The following CFAP47 variants were observed in gnomAD, a reference collection of about 807,000 sequenced individuals.
CFAP47 encodes cilia and flagella associated protein 47.
In CFAP47, 29 loss-of-function variants were observed where a neutral mutation model predicts 148.1. The observed-to-expected ratio is 0.20, with a 90% CI of 0.15 to 0.27. CFAP47 has a LOEUF of 0.27. Among genes scored for constraint, CFAP47 ranks in the 10% least tolerant of loss-of-function variants. The probability of loss-of-function intolerance (pLI) is 1.00; values close to 1 mark genes in which losing one functional copy is unlikely to be tolerated. For synonymous variants in CFAP47, 664 were observed against 577.3 expected (o/e 1.15, Z -2.15); for missense variants, 1,872 against 1,697.5 (o/e 1.10, Z -1.81).
intron 10 of CFAP47, among the ~76,000 whole-genome samples, chrX:35,970,219 C>T: frequency 9.0e-6 from 1 of 110,547 alleles, no homozygotes; most frequent in East Asian, 2.9e-4. Flanking sequence ...AGCATAAACC[C>T]AGTTGAGTGA....
intron 45 of CFAP47, among the ~76,000 whole-genome samples, chrX:36,220,603 A>G (rs782237859): frequency 9.0e-6 from 1 of 110,917 alleles, no homozygotes; most frequent in Non-Finnish European, 1.9e-5. Flanking sequence ...CATAGTTAGA[A>G]CTAAGAGATT....
chrX:35,959,837 C>T (rs1936297612), intron 8 of CFAP47, among the ~76,000 whole-genome samples: 1 of 99,996 alleles, frequency 1.0e-5, no homozygotes, highest in South Asian at 5.0e-4. Flanking sequence ...CAAGATCGTG[C>T]CACTGCACTC....
intron 57 of CFAP47, among the ~76,000 whole-genome samples, chrX:36,344,379 AAT>A (rs1941679969): frequency 9.0e-6 from 1 of 110,789 alleles, no homozygotes; most frequent in Non-Finnish European, 1.9e-5. Context: ...TTTCAATGTT[AAT>A]TTTCAGTGAT....
chrX:36,039,652 C>T (rs1187161290), intron 25 of CFAP47, among the ~76,000 whole-genome samples: 3 of 111,885 alleles, frequency 2.7e-5, no homozygotes, highest in Non-Finnish European at 5.6e-5. Context: ...CTCAGTCTTC[C>T]TCCAAGCTCT....
At chrX:36,159,615 T>C (rs1939406335) in intron 38 of CFAP47, 39 bp downstream of exon 38, 1 of 295,836 alleles carries the variant, frequency 3.4e-6, no homozygotes. Context: ...GCTTCTCTTA[T>C]CAGACCATGA....
Position 35,993,334 on chromosome X carries a change from A to T in CFAP47, c.3099+13A>T, listed in dbSNP as rs1936808916. ...TACAAGAGCAAAGGTATGTCCATAC[A>T]TATGAGTTTTTGCACCTTACATATG... On this transcript the variant is annotated intron_variant, in intron 18 of 63. Transcript: ENST00000378653. The T allele has an allele frequency of 3.4e-6, 1 of 291,187 alleles. No homozygotes were observed. The highest frequency in any genetic ancestry group is 6.3e-5 in the Admixed American group (1 of 15,966). 24.0% of individuals were successfully genotyped at this position (291,187 alleles called of 1,213,427 possible).
At chrX:36,140,133 C>T (rs1172450907) in intron 35 of CFAP47, among the ~76,000 whole-genome samples, 1 of 111,465 alleles carries the variant, frequency 9.0e-6, no homozygotes, top group Non-Finnish European at 1.9e-5. Flanking sequence ...CTCATGCCTT[C>T]AAAGGTGTTG....
At chrX:36,267,751 T>TA (rs1940911378) in intron 49 of CFAP47, among the ~76,000 whole-genome samples, 1 of 112,135 alleles carries the variant, frequency 8.9e-6, no homozygotes, top group Non-Finnish European at 1.9e-5. Flanking sequence ...GTGCTGGGAT[T>TA]ACAGGCGTGA....
intron 49 of CFAP47, among the ~76,000 whole-genome samples, chrX:36,274,359 C>T (rs1940991130): frequency 9.0e-6 from 1 of 111,546 alleles, no homozygotes; most frequent in Admixed American, 9.6e-5. Flanking sequence ...AAGCAATACA[C>T]ATTTAGGACA....
At position 35,966,680 on chromosome X, in the gene CFAP47, T is replaced by C; in HGVS notation, c.1526T>C (p.Phe509Ser). The change falls in exon 9 of 64, where the codon TTC (phenylalanine) becomes TCC (serine). Residue 509 changes from phenylalanine (F) to serine (S), a missense_variant. Transcript: ENST00000378653. ...TTGCAATCTTTGTCGGTAAAATCTT[T>C]CCATCACGTATATTTAGCTTTCAAC... The part of the protein sequence containing the change: ...EDLQSLSVKS[F>S]HHVYLAFNSI... The C allele has an allele frequency of 8.4e-7, 1 of 1,186,297 alleles. No individual in the cohort carries two copies. Among genetic ancestry groups the C allele is most frequent in the Non-Finnish European group, 1.1e-6 (1 of 881,038 alleles).
intron 19 of CFAP47, among the ~76,000 whole-genome samples, chrX:35,998,639 C>T (rs1313152786): frequency 9.0e-6 from 1 of 111,388 alleles, no homozygotes; most frequent in Non-Finnish European, 1.9e-5. Context: ...AATGGCATCA[C>T]CAAAATTCCA....
At chrX:35,952,576 T>C (rs892160132) in intron 6 of CFAP47, among the ~76,000 whole-genome samples, 2 of 112,102 alleles carry the variant, frequency 1.8e-5, no homozygotes, top group African/African-American at 6.5e-5. Flanking sequence ...ACTGATTCAA[T>C]TGCAAGAATA....
intron 48 of CFAP47, among the ~76,000 whole-genome samples, chrX:36,237,768 G>A (rs1555995019): frequency 8.9e-6 from 1 of 112,032 alleles, no homozygotes; most frequent in East Asian, 2.8e-4. Flanking sequence ...CTCAAAAGAA[G>A]CTTCAAATAT....
At chrX:36,216,257 A>G (rs1555990162) in intron 45 of CFAP47, among the ~76,000 whole-genome samples, 1 of 112,334 alleles carries the variant, frequency 8.9e-6, no homozygotes. Flanking sequence ...AAAGAAGTCT[A>G]CTAGTTACAT....
intron 46 of CFAP47, among the ~76,000 whole-genome samples, chrX:36,235,400 G>A (rs1265258870): frequency 8.9e-6 from 1 of 112,340 alleles, no homozygotes; most frequent in Non-Finnish European, 1.9e-5. Context: ...GCGAGACTCC[G>A]TGGGCGTAGG....
At chrX:36,227,781 A>C (rs886952905) in intron 45 of CFAP47, among the ~76,000 whole-genome samples, 5 of 112,108 alleles carry the variant, frequency 4.5e-5, no homozygotes, top group African/African-American at 1.6e-4. Flanking sequence ...TGACTATTTA[A>C]ATAGTTTGGC....
chrX:36,381,936 C>G (rs1175851017), intron 63 of CFAP47, among the ~76,000 whole-genome samples: 1 of 110,393 alleles, frequency 9.1e-6, no homozygotes, highest in Non-Finnish European at 1.9e-5. Context: ...ACAGATGTAC[C>G]TGTTATAACT....
chrX:36,097,966 A>G (rs920339003), intron 30 of CFAP47, among the ~76,000 whole-genome samples: 1 of 111,511 alleles, frequency 9.0e-6, no homozygotes, highest in African/African-American at 3.3e-5. Flanking sequence ...TTTTGGGGCC[A>G]TCCTCTAGAT....
At chrX:36,360,071 T>C (rs1256553956) in intron 60 of CFAP47, among the ~76,000 whole-genome samples, 1 of 111,872 alleles carries the variant, frequency 8.9e-6, no homozygotes, top group Non-Finnish European at 1.9e-5. Context: ...GTTGGCCTTT[T>C]GTTTTCTTTT....
Sources: gnomAD v4.1 joint callset for allele counts (sites outside exome capture counted in the v4.1 genomes callset) on GRCh38, gnomAD v4.1.1 for gene constraint, MANE v1.5 for transcripts, NCBI Gene and HGNC (gene_info 2026-07-23, HGNC 2026-07-21) for gene names.